AIM2: variants seen among roughly 807,000 people sequenced by gnomAD.
The protein encoded by AIM2 is interferon-inducible protein AIM2.
Under a neutral mutation model 27.7 loss-of-function variants are expected in AIM2, and 30 were observed. That is an observed-to-expected ratio of 1.08 (90% CI 0.81 to 1.47). The LOEUF is 1.47. Ranked by LOEUF, AIM2 falls within the 40% of genes most tolerant of loss-of-function variation. The pLI is 0.00. For synonymous variants in AIM2, 141 were observed against 145.3 expected (o/e 0.97, Z 0.21); for missense variants, 358 against 411.3 (o/e 0.87, Z 1.12).
At chr1:159,129,338 GA>G (rs919844317) in intron 1 of AIM2, among the ~76,000 whole-genome samples, 4 of 152,308 alleles carry the variant, frequency 2.6e-5, no homozygotes, top group Admixed American at 2.6e-4. Context: ...CCAGTTTGGG[GA>G]AATTTGTTAT....
intron 1 of AIM2, among the ~76,000 whole-genome samples, chr1:159,115,771 G>A (rs1332833930): frequency 6.6e-6 from 1 of 152,072 alleles, no homozygotes; most frequent in African/African-American, 2.4e-5. Flanking sequence ...CACAGGCATG[G>A]GCAAGGATTT....
At chr1:159,125,369 C>T (rs762549407) in intron 1 of AIM2, among the ~76,000 whole-genome samples, 1 of 152,178 alleles carries the variant, frequency 6.6e-6, no homozygotes, top group Non-Finnish European at 1.5e-5. Context: ...AGGAGACAAA[C>T]ATAACAACAT....
chr1:159,077,048 C>G (rs1656635571), upstream of AIM2: 1 of 152,238 alleles, frequency 6.6e-6, no homozygotes, highest in Non-Finnish European at 1.5e-5. Flanking sequence ...CTGGTATAAA[C>G]AAGCACACTG....
chr1:159,075,449 C>CT lies in AIM2; in HGVS notation c.-21+1183dup, dbSNP rs574918941. Among the ~76,000 whole-genome samples the CT allele has an allele frequency of 2.2e-4, 33 of 151,400 alleles. No individual in the cohort carries two copies. In the South Asian group the frequency reaches 6.9e-3, roughly 32 times the overall value. On this transcript the variant is annotated intron_variant, in intron 1 of 5. Transcript: ENST00000368130. ...GTGATTGCATGCATATTCTCAATTTCTTTGTAGGAAACACACACATCCGTG... is the reference window on the plus strand; with the variant it reads ...GTGATTGCATGCATATTCTCAATTTCTTTTGTAGGAAACACACACATCCGTG...
Position 159,071,757 on chromosome 1 carries a change from G to A in AIM2, c.262+1481C>T, listed in dbSNP as rs1243037810. 2.6e-5 allele frequency among the ~76,000 whole-genome samples: 4 copies of A among 152,272 alleles called. No homozygotes were observed. In the East Asian group the frequency reaches 5.8e-4, roughly 22 times the overall value. On this transcript the variant is annotated intron_variant, in intron 2 of 5. Transcript: ENST00000368130. ...ACTCCTGAACTCAAGTGATCCACCC[G>A]CCTTGGCCTCCCAAAGTGCTGGGAT...
chr1:159,122,421 C>T (rs963876210), intron 1 of AIM2: 2 of 152,126 alleles, frequency 1.3e-5, no homozygotes, highest in African/African-American at 4.8e-5. Flanking sequence ...TTTTAACCAC[C>T]CTGGCCTATA....
chr1:159,063,971 T>C (rs1655968065), intron 4 of AIM2, among the ~76,000 whole-genome samples: 1 of 152,242 alleles, frequency 6.6e-6, no homozygotes. Flanking sequence ...TTTTCTTTTT[T>C]ATAATTTTAT....
chr1:159,074,746 TACATAAGA>T, intron 1 of AIM2, among the ~76,000 whole-genome samples: 1 of 152,196 alleles, frequency 6.6e-6, no homozygotes. Flanking sequence ...AACTACAAAG[TACATAAGA>T]ACATCGAATA....
chr1:159,094,978 T>C (rs1418417863), intron 1 of AIM2, among the ~76,000 whole-genome samples: 2 of 152,178 alleles, frequency 1.3e-5, no homozygotes, highest in South Asian at 2.1e-4. Context: ...CATTTCTTTT[T>C]GTCTCTGTTA....
chr1:159,122,714 T>C (rs77348630), intron 1 of AIM2, among the ~76,000 whole-genome samples: 6 of 152,184 alleles, frequency 3.9e-5, no homozygotes, highest in Non-Finnish European at 7.4e-5. Context: ...GAGTCAAAAT[T>C]GTGAAGTCAC....
intron 1 of AIM2, among the ~76,000 whole-genome samples, chr1:159,112,950 T>A (rs1380217908): frequency 2.7e-5 from 4 of 150,128 alleles, no homozygotes; most frequent in Admixed American, 6.6e-5. Flanking sequence ...TATATATATA[T>A]AATTTTTTTT....
upstream of AIM2, chr1:159,081,444 T>C: frequency 4.3e-6 from 2 of 463,966 alleles, no homozygotes; most frequent in Non-Finnish European, 8.8e-6. Flanking sequence ...TGATAATCTG[T>C]AGGACCTCAG....
upstream of AIM2, among the ~76,000 whole-genome samples, chr1:159,141,819 C>A (rs1003904601): frequency 6.6e-6 from 1 of 152,066 alleles, no homozygotes; most frequent in African/African-American, 2.4e-5. Flanking sequence ...TGGAGATCCA[C>A]CAGCCGGCTT....
At chr1:159,064,805 G>A (rs1176282302) in intron 4 of AIM2, among the ~76,000 whole-genome samples, 1 of 152,140 alleles carries the variant, frequency 6.6e-6, no homozygotes, top group African/African-American at 2.4e-5. Context: ...GAGACATGAG[G>A]TAATGATGCA....
downstream of AIM2, among the ~76,000 whole-genome samples, chr1:159,059,935 T>C (rs896665258): frequency 4.6e-5 from 7 of 152,202 alleles, no homozygotes; most frequent in Non-Finnish European, 1.0e-4. Flanking sequence ...ATCAAGCAGA[T>C]GAGAAGCTGG....
chr1:159,058,164 G>A (rs1655716826), downstream of AIM2, among the ~76,000 whole-genome samples: 1 of 152,142 alleles, frequency 6.6e-6, no homozygotes, highest in Admixed American at 6.5e-5. Flanking sequence ...GACCAGCCTG[G>A]CCAACATGGT....
chr1:159,140,213 G>A (rs569825583), intron 1 of AIM2, among the ~76,000 whole-genome samples: 1 of 152,362 alleles, frequency 6.6e-6, no homozygotes, highest in South Asian at 2.1e-4. Flanking sequence ...TATGGGACCA[G>A]TGGGAGAGAG....
chr1:159,081,558 G>T (rs1013187343), upstream of AIM2: 4 of 499,360 alleles, frequency 8.0e-6, no homozygotes, highest in East Asian at 2.4e-4. Flanking sequence ...GGCTCCTCAG[G>T]CTCTTGAGTA....
intron 1 of AIM2, among the ~76,000 whole-genome samples, chr1:159,131,443 T>C (rs3026927): frequency 0.012 from 1,792 of 152,330 alleles, 40 homozygotes; most frequent in African/African-American, 0.04. Context: ...GAATAATTTA[T>C]CTCTGAACTT....
Sources: allele counts gnomAD v4.1 joint callset (sites outside exome capture counted in the v4.1 genomes callset), GRCh38; gene constraint gnomAD v4.1.1; transcripts MANE v1.5; gene names NCBI Gene and HGNC (gene_info 2026-07-23, HGNC 2026-07-21).